Variants in STK32B observed in about 807,000 individuals in gnomAD.
STK32B encodes serine/threonine-protein kinase 32B.
STK32B carries 43 observed loss-of-function variants against 52.6 expected under a neutral mutation model. The observed-to-expected ratio is 0.82, with a 90% CI of 0.64 to 1.05. STK32B has a LOEUF of 1.05. STK32B is among the 50% of genes least tolerant of loss of function. The pLI, the probability that STK32B is intolerant of heterozygous loss-of-function variation, is 0.00. For missense variants in STK32B, 621 were observed against 534.6 expected (o/e 1.16, Z -1.59); for synonymous variants, 238 against 204.3 (o/e 1.17, Z -1.41).
intron 3 of STK32B, among the ~76,000 whole-genome samples, chr4:5,252,931 C>G (rs11942948): frequency 6.6e-6 from 1 of 151,976 alleles, no homozygotes. Flanking sequence ...TGTTGTAACC[C>G]GCTCACTGTG....
chr4:5,233,289 A>G (rs896227712), intron 3 of STK32B, among the ~76,000 whole-genome samples: 1 of 152,176 alleles, frequency 6.6e-6, no homozygotes, highest in Admixed American at 6.5e-5. Context: ...GGGTTAACCT[A>G]GAGGATGTCA....
chr4:5,348,957 A>G (rs899343496), intron 4 of STK32B, among the ~76,000 whole-genome samples: 3 of 152,146 alleles, frequency 2.0e-5, no homozygotes, highest in African/African-American at 7.2e-5. Context: ...GTACCCACCC[A>G]CATGTGCCAC....
intron 4 of STK32B, among the ~76,000 whole-genome samples, chr4:5,339,212 C>A (rs1732909363): frequency 6.6e-6 from 1 of 152,160 alleles, no homozygotes. Context: ...TCCTGGGTCT[C>A]CAGCTTGCAG....
upstream of STK32B, among the ~76,000 whole-genome samples, chr4:5,048,199 G>A (rs1403232411): frequency 8.6e-5 from 13 of 151,786 alleles, no homozygotes; most frequent in Admixed American, 7.9e-4. Flanking sequence ...ACGCAATCTT[G>A]GCTCACCGCA....
chr4:5,444,309 C>T (rs918804003), intron 6 of STK32B, among the ~76,000 whole-genome samples: 45 of 152,322 alleles, frequency 3.0e-4, no homozygotes, highest in African/African-American at 8.4e-4. Context: ...TGTGGTGCAC[C>T]GTTTTTTAAG....
intron 6 of STK32B, among the ~76,000 whole-genome samples, chr4:5,433,712 G>A (rs1377292584): frequency 2.0e-5 from 3 of 152,202 alleles, no homozygotes; most frequent in Non-Finnish European, 2.9e-5. Context: ...CAGGCTAGAT[G>A]TTGAATAGCA....
chr4:5,372,720 T>TGG (rs5855850), intron 4 of STK32B, among the ~76,000 whole-genome samples: 1,866 of 126,960 alleles, frequency 0.015, 68 homozygotes, highest in African/African-American at 0.05. Context: ...AGGAGAAAGT[T>TGG]GGGGGGGGGG....
At chr4:5,486,728 G>T (rs150467402) in intron 11 of STK32B, among the ~76,000 whole-genome samples, 2 of 152,192 alleles carry the variant, frequency 1.3e-5, no homozygotes, top group East Asian at 3.9e-4. Context: ...TCCTATTTAG[G>T]GGACTGGAGC....
chr4:5,236,062 G>A (rs62299965), intron 3 of STK32B, among the ~76,000 whole-genome samples: 11,010 of 152,212 alleles, frequency 0.072, 616 homozygotes, highest in Admixed American at 0.18. Context: ...GGCAGTGTCT[G>A]GGAGCATCTG....
At chr4:5,117,773 G>C (rs1243065645) in intron 1 of STK32B, among the ~76,000 whole-genome samples, 2 of 151,908 alleles carry the variant, frequency 1.3e-5, no homozygotes, top group Non-Finnish European at 1.5e-5. Flanking sequence ...AAATACACTA[G>C]TTTTTTCTTT....
At chr4:5,316,332 C>T (rs868738705) in intron 3 of STK32B, among the ~76,000 whole-genome samples, 7 of 28,934 alleles carry the variant, frequency 2.4e-4, no homozygotes, top group East Asian at 1.1e-3. Flanking sequence ...ATATTATATA[C>T]AATATAATAT....
chr4:5,034,413 C>G, the STK32B span, among the ~76,000 whole-genome samples: 1 of 152,222 alleles, frequency 6.6e-6, no homozygotes, highest in African/African-American at 2.4e-5. Flanking sequence ...ACACACAGTT[C>G]CCCTGCCTGC....
intron 4 of STK32B, among the ~76,000 whole-genome samples, chr4:5,334,055 A>C (rs1181697526): frequency 1.3e-5 from 2 of 152,064 alleles, no homozygotes; most frequent in Non-Finnish European, 2.9e-5. Context: ...AGAATCTATA[A>C]ATTACCTTGG....
chr4:5,321,258 G>A (rs573377658), intron 3 of STK32B, among the ~76,000 whole-genome samples: 5 of 152,104 alleles, frequency 3.3e-5, no homozygotes, highest in South Asian at 2.1e-4. Flanking sequence ...AAGGAGCCTC[G>A]GTCAATGGTA....
Position 5,090,370 on chromosome 4 carries a change from C to CT in STK32B, c.52+38477dup, listed in dbSNP as rs754643704. On this transcript the variant is annotated intron_variant, in intron 1 of 11. Coordinates refer to ENST00000282908, the MANE Select transcript of STK32B (RefSeq NM_018401.3). Reference sequence around the variant, plus strand: ...TTTTACATTTAAGTCTTTAATCCATCTTTTTTTTTTTTTTTTTTTTTTCGA... The same window carrying CT: ...TTTTACATTTAAGTCTTTAATCCATCTTTTTTTTTTTTTTTTTTTTTTTCGA... Among the ~76,000 whole-genome samples, 321 of 56,494 alleles carry CT rather than the reference C, an allele frequency of 5.7e-3. 16 individuals are homozygous for CT. Among genetic ancestry groups the CT allele is most frequent in the African/African-American group, 0.014 (251 of 17,680 alleles). 37.1% of individuals were successfully genotyped at this position (56,494 alleles called of 152,430 possible).
intron 3 of STK32B, among the ~76,000 whole-genome samples, chr4:5,275,572 A>G (rs549896271): frequency 1.3e-4 from 19 of 144,832 alleles, no homozygotes; most frequent in African/African-American, 4.1e-4. Context: ...TTGCTTGCTA[A>G]CTCCTGTTCG....
chr4:5,134,723 A>G (rs1362101600), intron 1 of STK32B, among the ~76,000 whole-genome samples: 1 of 152,246 alleles, frequency 6.6e-6, no homozygotes, highest in Non-Finnish European at 1.5e-5. Flanking sequence ...GCCCAGCACC[A>G]ACTCTGCAAG....
chr4:5,038,733 A>T, the STK32B span, among the ~76,000 whole-genome samples: 2 of 151,892 alleles, frequency 1.3e-5, no homozygotes, highest in African/African-American at 2.4e-5. Context: ...GCTCTGGATG[A>T]GTGAGTAGCT....
At chr4:5,446,304 G>A (rs1015015591) in intron 6 of STK32B, among the ~76,000 whole-genome samples, 3 of 152,296 alleles carry the variant, frequency 2.0e-5, no homozygotes, top group South Asian at 2.1e-4. Flanking sequence ...GATGGCTCAC[G>A]CCTGTAATCC....
Sources: allele counts gnomAD v4.1 joint callset (sites outside exome capture counted in the v4.1 genomes callset), GRCh38; gene constraint gnomAD v4.1.1; transcripts MANE v1.5; gene names NCBI Gene and HGNC (gene_info 2026-07-23, HGNC 2026-07-21).